DEDD2: variants seen among roughly 807,000 people sequenced by gnomAD.
The protein encoded by DEDD2 is death effector domain containing 2.
Under a neutral mutation model 28.9 loss-of-function variants are expected in DEDD2, and 18 were observed. The ratio of observed to expected loss-of-function variants is 0.62; its 90% CI spans 0.43 to 0.92. DEDD2 has a LOEUF of 0.92. Among genes scored for constraint, DEDD2 ranks in the 40% least tolerant of loss-of-function variants. The pLI is 0.00. For missense variants in DEDD2, 411 were observed against 463.3 expected, an observed-to-expected ratio of 0.89 and a Z score of 1.04; for synonymous variants, 211 against 206.1, an observed-to-expected ratio of 1.02 and a Z score of -0.20.
intron 4 of DEDD2, among the ~76,000 whole-genome samples, chr19:42,202,467 C>T (rs1009495156): frequency 9.2e-5 from 14 of 152,190 alleles, no homozygotes; most frequent in Admixed American, 7.2e-4. Context: ...CGTCCTTCTC[C>T]CCAGCATGGA....
chr19:42,199,163 C>A lies in DEDD2; in HGVS notation c.*275G>T. 1 of 515,346 alleles carries A rather than the reference C, an allele frequency of 1.9e-6. No individual in the cohort carries two copies. 31.9% of individuals were successfully genotyped at this position (515,346 alleles called of 1,614,324 possible). ...CCTTTGGTGAGTGTGTAGCTGTGCC[C>A]CTCCCTTCTGAGATACAGGCCCAGC... On this transcript the variant is annotated 3_prime_UTR_variant, in exon 5 of 5. Transcript: ENST00000596251. The surrounding 1 kb of genome is among the most constrained non-coding windows in gnomAD (Gnocchi z 7.4).
chr19:42,205,346 T>C (rs1015849302), intron 4 of DEDD2, among the ~76,000 whole-genome samples: 1 of 152,188 alleles, frequency 6.6e-6, no homozygotes, highest in Non-Finnish European at 1.5e-5. Context: ...ATTTTTATCT[T>C]TGGCCAGCCA....
chr19:42,213,803 A>C (rs2035858193), intron 3 of DEDD2, among the ~76,000 whole-genome samples: 1 of 144,736 alleles, frequency 6.9e-6, no homozygotes, highest in South Asian at 2.1e-4. Context: ...TCTGTGCTAT[A>C]GCAGGAGACA....
At chr19:42,207,207 A>G (rs911264558) in intron 4 of DEDD2, among the ~76,000 whole-genome samples, 2 of 152,106 alleles carry the variant, frequency 1.3e-5, no homozygotes, top group Non-Finnish European at 2.9e-5. Flanking sequence ...CTGGCTCTCT[A>G]GGTCTGTTCC....
At chr19:42,217,197 G>A (rs1375645486) in intron 1 of DEDD2, among the ~76,000 whole-genome samples, 152 bp from the exon 2 acceptor site, 2 of 151,922 alleles carry the variant, frequency 1.3e-5, no homozygotes, top group Non-Finnish European at 2.9e-5. Flanking sequence ...GGGAGGGAAT[G>A]GTCCCGCCCG....
intron 4 of DEDD2, chr19:42,204,464 T>G (rs1394353254): frequency 6.6e-6 from 1 of 151,814 alleles, no homozygotes; most frequent in African/African-American, 2.4e-5. Flanking sequence ...ACTCTCACCA[T>G]GTGACAAGCC....
chr19:42,209,902 T>C lies in DEDD2; in HGVS notation c.449-62A>G, dbSNP rs1039159802. 46 of 1,461,708 alleles carry C rather than the reference T, an allele frequency of 3.1e-5. No homozygotes were observed. In the Admixed American group the frequency reaches 9.2e-4, roughly 29 times the overall value. The allele number at this position is 1,461,708 out of a possible 1,614,324, so 90.5% of individuals were successfully genotyped here. A position where few individuals can be genotyped will look rare whatever the true frequency, so the allele number is the denominator to read the frequency against. On this transcript the variant is annotated intron_variant, in intron 3 of 4. Coordinates refer to ENST00000596251, the MANE Select transcript of DEDD2 (RefSeq NM_133328.4). ...ATGACAGCTAGAGTGCCCAGGTGTA[T>C]GCCTGGAAAAGAACTCAAGGTGTTC...
In DEDD2 at chr19:42,216,684, C is replaced by T; in HGVS notation, c.324G>A (p.Arg108=). Residue 108 remains arginine, a synonymous_variant, in exon 2 of 5, where the codon CGG becomes CGA. Coordinates refer to ENST00000596251, the MANE Select transcript of DEDD2 (RefSeq NM_133328.4). ...CACCCTCCCATTCAACCGTACCTGG[C>T]CGGCGCCGCTTGCGCGCCAGGTGCG... ...LLPHLARKRR[R]PVSPERYSYG... is the part of the protein sequence containing the mutation. 1 of 1,572,116 alleles carries T rather than the reference C, an allele frequency of 6.4e-7. No homozygotes were observed. The highest frequency in any genetic ancestry group is 8.6e-7 in the Non-Finnish European group (1 of 1,164,560).
intron 2 of DEDD2, 136 bp downstream of exon 2, chr19:42,216,544 T>C (rs3745232): frequency 3.0e-5 from 27 of 890,032 alleles, no homozygotes; most frequent in East Asian, 1.2e-4. Flanking sequence ...CTCATTGATA[T>C]TGTGGGAAGA....
At chr19:42,219,726 G>C (rs536839761), upstream of DEDD2, among the ~76,000 whole-genome samples, 35 of 152,368 alleles carry the variant, frequency 2.3e-4, no homozygotes, top group African/African-American at 7.9e-4. Flanking sequence ...ACTCACAAGG[G>C]GGCCTGGTAA....
intron 4 of DEDD2, among the ~76,000 whole-genome samples, chr19:42,209,001 G>A (rs1296312439): frequency 6.6e-6 from 1 of 152,212 alleles, no homozygotes; most frequent in Non-Finnish European, 1.5e-5. Context: ...ACTTTGGAAG[G>A]CTGAGGCGGG....
At chr19:42,206,088 A>T (rs1027233760) in intron 4 of DEDD2, among the ~76,000 whole-genome samples, 29 of 145,948 alleles carry the variant, frequency 2.0e-4, no homozygotes, top group South Asian at 1.3e-3. Context: ...TCATAATTTA[A>T]AAAAAAAAAA....
intron 3 of DEDD2, among the ~76,000 whole-genome samples, chr19:42,214,366 G>C (rs548311061): frequency 1.3e-5 from 2 of 151,882 alleles, no homozygotes; most frequent in Non-Finnish European, 2.9e-5. Context: ...GCTGAGGCAG[G>C]AGAATTGCTT....
chr19:42,215,239 G>A lies in DEDD2; in HGVS notation c.342C>T (p.Arg114=), dbSNP rs1268008113. 4 of 1,614,082 alleles carry A rather than the reference G, an allele frequency of 2.5e-6. No homozygotes were observed. Among genetic ancestry groups the A allele is most frequent in the Non-Finnish European group, 3.4e-6 (4 of 1,179,972 alleles). Residue 114 remains arginine (R), a synonymous_variant, in exon 3 of 5, where the codon CGC becomes CGT. Coordinates refer to ENST00000596251, the MANE Select transcript of DEDD2 (RefSeq NM_133328.4). ...AAGAGCTGGAGGTGCCATAGCTATA[G>A]CGTTCTGGAGACACTGGAGGAAGAG... The part of the protein sequence containing the change: ...RKRRRPVSPE[R]YSYGTSSSSK...
rs1351700930 is a variant in DEDD2, at chr19:42,199,797, C to G, written c.622G>C (p.Glu208Gln). ...CCCTGCTCCAAGGCTGGCCCATGCT[C>G]GCAGTACTCTGCTCGAACCCGGAGC... is the stretch of plus-strand genomic sequence containing the variant. Reference protein sequence around the residue: ...IRLRVRAEYCEHGPALEQGVA... With the variant: ...IRLRVRAEYCQHGPALEQGVA... Residue 208 changes from glutamate to glutamine, a missense_variant, in exon 5 of 5, where the codon GAG (glutamate) becomes CAG (glutamine). Physicochemically the swap from Glu to Gln is conservative, Grantham distance 29. Transcript: ENST00000596251. This position sits in a 1 kb window ranked among gnomAD's most constrained non-coding sequence, Gnocchi z 7.4. The G allele has an allele frequency of 3.7e-6, 6 of 1,603,610 alleles. No individual in the cohort carries two copies. Among genetic ancestry groups the G allele is most frequent in the Admixed American group, 3.4e-5 (2 of 58,300 alleles).
intron 3 of DEDD2, among the ~76,000 whole-genome samples, chr19:42,211,069 CAAAA>C (rs750942650): frequency 5.8e-5 from 3 of 51,730 alleles, no homozygotes; most frequent in Non-Finnish European, 7.8e-5. Context: ...GACCCTGTCT[CAAAA>C]AAAAAAAAAA....
chr19:42,203,820 G>A (rs560444672), intron 4 of DEDD2, among the ~76,000 whole-genome samples: 3 of 152,338 alleles, frequency 2.0e-5, no homozygotes, highest in African/African-American at 4.8e-5. Flanking sequence ...GCAGGCAGGG[G>A]AAGGGTCACA....
chr19:42,211,603 T>C (rs2035768097), intron 3 of DEDD2, among the ~76,000 whole-genome samples: 1 of 152,110 alleles, frequency 6.6e-6, no homozygotes. Context: ...GAAACACAAA[T>C]AAAATCTATG....
rs1468257168 is a variant in DEDD2 at position 42,199,868 on chromosome 19, C to CA, written c.590-40dup. 8.4e-6 allele frequency: 13 copies of CA among 1,539,120 alleles called. No homozygotes were observed. In the Admixed American group the frequency reaches 2.6e-4, roughly 31 times the overall value. Reference sequence around the variant, plus strand: ...AGGGATTTGTCAGGGAGGGGGCCAACACTAGACACACTTATGGGGAACGCC... The same window carrying CA: ...AGGGATTTGTCAGGGAGGGGGCCAACAACTAGACACACTTATGGGGAACGCC... On this transcript the variant is annotated intron_variant, in intron 4 of 4. Coordinates refer to ENST00000596251, the MANE Select transcript of DEDD2 (RefSeq NM_133328.4). This position sits in a 1 kb window ranked among gnomAD's most constrained non-coding sequence, Gnocchi z 7.4.
Sources: allele counts gnomAD v4.1 joint callset (sites outside exome capture counted in the v4.1 genomes callset), GRCh38; gene constraint gnomAD v4.1.1; non-coding constraint Gnocchi (gnomAD v3.1); transcripts MANE v1.5; gene names NCBI Gene and HGNC (gene_info 2026-07-23, HGNC 2026-07-21).